Variants in FRMD4B observed in about 807,000 individuals in gnomAD.
The protein encoded by FRMD4B is FERM domain-containing protein 4B.
A neutral mutation model predicts 141.5 loss-of-function variants in FRMD4B; 74 were observed. That is an observed-to-expected ratio of 0.52 (90% CI 0.43 to 0.63). The LOEUF is 0.63. Ranked by LOEUF, FRMD4B falls within the 30% of genes least tolerant of loss-of-function variation. The probability of loss-of-function intolerance (pLI) is 0.00; values close to 1 mark genes in which losing one functional copy is unlikely to be tolerated. For synonymous variants in FRMD4B, 506 were observed against 467.9 expected (o/e 1.08, Z -1.05); for missense variants, 1,366 against 1,253.4 (o/e 1.09, Z -1.36).
chr3:69,484,824 G>C (rs539287731), intron 1 of FRMD4B, among the ~76,000 whole-genome samples: 1 of 152,126 alleles, frequency 6.6e-6, no homozygotes, highest in South Asian at 2.1e-4. Context: ...AGGCTTTTAT[G>C]GGCCTCAGAG....
chr3:69,435,340 T>C (rs1705243774), intron 1 of FRMD4B, among the ~76,000 whole-genome samples: 1 of 151,336 alleles, frequency 6.6e-6, no homozygotes, highest in Non-Finnish European at 1.5e-5. Context: ...AATCTAAGGG[T>C]TTACTATAGG....
intron 1 of FRMD4B, among the ~76,000 whole-genome samples, chr3:69,537,941 T>C (rs1287376819): frequency 2.0e-5 from 3 of 152,226 alleles, no homozygotes; most frequent in Non-Finnish European, 4.4e-5. Flanking sequence ...GTCTACATGG[T>C]CTGGGTAGGA....
At chr3:69,229,916 G>C (rs2093289866) in intron 7 of FRMD4B, among the ~76,000 whole-genome samples, 1 of 151,976 alleles carries the variant, frequency 6.6e-6, no homozygotes, top group Admixed American at 6.6e-5. Flanking sequence ...ATGTTGGCCA[G>C]GAAGGTCTCT....
chr3:69,169,375 T>TTTTTTTTTC lies in FRMD4B; in HGVS notation c.*2485_*2486insGAAAAAAAA, dbSNP rs1553691449. Among the ~76,000 whole-genome samples, 10 of 124,606 alleles carry TTTTTTTTTC rather than the reference T, an allele frequency of 8.0e-5. 4 individuals are homozygous for TTTTTTTTTC. The highest frequency in any genetic ancestry group is 1.0e-4 in the Non-Finnish European group (6 of 59,460). The allele number at this position is 124,606 out of a possible 152,430, so 81.7% of individuals were successfully genotyped here. On this transcript the variant is annotated 3_prime_UTR_variant, in exon 23 of 23. Coordinates refer to ENST00000398540, the MANE Select transcript of FRMD4B (RefSeq NM_015123.3). ...TTTCTTTTTTTTTTTTTTTTTTTTT[T>TTTTTTTTTC]CTTGAGACAAGGTCTGTTATTGCCT...
At chr3:69,422,979 T>TCCCA in intron 2 of FRMD4B, among the ~76,000 whole-genome samples, 1 of 152,014 alleles carries the variant, frequency 6.6e-6, no homozygotes, top group Non-Finnish European at 1.5e-5. Context: ...TGGGCATGAG[T>TCCCA]CCCATGTAAG....
At chr3:69,305,651 G>A (rs566692857) in intron 3 of FRMD4B, among the ~76,000 whole-genome samples, 42 of 152,308 alleles carry the variant, frequency 2.8e-4, no homozygotes, top group African/African-American at 8.9e-4. Context: ...CATTTCAGGA[G>A]GTTGAGGCAG....
Position 69,540,636 on chromosome 3 carries a change from A to AATATAT in FRMD4B, c.-129+1564_-129+1569dup, listed in dbSNP as rs1553652110. Among the ~76,000 whole-genome samples the AATATAT allele has an allele frequency of 1.7e-3, 119 of 69,518 alleles. 1 individual carries two copies. Among genetic ancestry groups the AATATAT allele is most frequent in the African/African-American group, 3.3e-3 (40 of 11,988 alleles). 45.6% of individuals were successfully genotyped at this position (69,518 alleles called of 152,430 possible). On this transcript the variant is annotated intron_variant, in intron 1 of 5. Coordinates refer to the FRMD4B transcript ENST00000459638. ...TCTAAAAAAAAAAAAAAAAAAAAAA[A>AATATAT]ATATATATATATATATATATATATA...
intron 5 of FRMD4B, among the ~76,000 whole-genome samples, chr3:69,253,534 A>T (rs747093001): frequency 9.9e-5 from 15 of 152,148 alleles, no homozygotes; most frequent in Non-Finnish European, 2.1e-4. Flanking sequence ...TCAGTACTTC[A>T]TGGAAACTTA....
At chr3:69,195,174 T>C (rs1318729856) in intron 15 of FRMD4B, 33 bp from the exon 16 acceptor site, 4 of 1,613,748 alleles carry the variant, frequency 2.5e-6, no homozygotes, top group Admixed American at 1.7e-5. Flanking sequence ...GAGCAGATAA[T>C]TGACACTGGC....
chr3:69,468,907 C>T (rs1009488881), intron 1 of FRMD4B, among the ~76,000 whole-genome samples: 5 of 152,188 alleles, frequency 3.3e-5, no homozygotes, highest in Non-Finnish European at 7.3e-5. Context: ...AAATAACCAA[C>T]TTTGCCATCA....
intron 5 of FRMD4B, among the ~76,000 whole-genome samples, chr3:69,270,557 T>G (rs1271546254): frequency 7.1e-6 from 1 of 140,232 alleles, no homozygotes; most frequent in Non-Finnish European, 1.6e-5. Context: ...CATTTTCTTT[T>G]TTTCTTTTTT....
Position 69,320,726 on chromosome 3 carries a change from G to A in FRMD4B, c.163-7209C>T, listed in dbSNP as rs1306249138. Among the ~76,000 whole-genome samples the A allele has an allele frequency of 4.6e-5, 7 of 152,182 alleles. No individual in the cohort carries two copies. The South Asian group carries it at 1.0e-3, about 22-fold the overall frequency. ...CCCTACCTAGTGGCAGCTAATAGCA[G>A]CAATGCTTCAGATGAAATAAAAAAC... On this transcript the variant is annotated intron_variant, in intron 1 of 22. Coordinates refer to ENST00000398540, the MANE Select transcript of FRMD4B (RefSeq NM_015123.3).
chr3:69,255,196 A>G (rs2093485408), intron 5 of FRMD4B, among the ~76,000 whole-genome samples: 1 of 152,200 alleles, frequency 6.6e-6, no homozygotes, highest in Admixed American at 6.6e-5. Context: ...TACAATGAAA[A>G]TATTTAGGGA....
At position 69,497,130 on chromosome 3, in the gene FRMD4B, C is replaced by T. The variant is rs974712737; in HGVS notation, c.-129+45076G>A. 2.0e-5 allele frequency among the ~76,000 whole-genome samples: 3 copies of T among 152,260 alleles called. No homozygotes were observed. The East Asian group carries it at 5.8e-4, about 29-fold the overall frequency. Reference sequence around the variant, plus strand: ...CTATCACAAGGTCCTGTCATACTTCCTTTTTTGTTTTCTGCCAAGTAGCTA... The same window carrying T: ...CTATCACAAGGTCCTGTCATACTTCTTTTTTTGTTTTCTGCCAAGTAGCTA... On this transcript the variant is annotated intron_variant, in intron 1 of 5. Coordinates refer to the FRMD4B transcript ENST00000459638.
chr3:69,482,011 T>C lies in FRMD4B; in HGVS notation c.-128-49250A>G, dbSNP rs879790663. 4.6e-5 allele frequency among the ~76,000 whole-genome samples: 7 copies of C among 152,316 alleles called. No individual in the cohort carries two copies. The South Asian group carries it at 8.3e-4, about 18-fold the overall frequency. The stretch of plus-strand genomic sequence containing the variant: ...TTTAATGCAAGTTCCTTCTTTAAAA[T>C]GATGCTAAAGCTGCAACTAATTGAA... On this transcript the variant is annotated intron_variant, in intron 1 of 5. Transcript: ENST00000459638.
chr3:69,504,397 C>T (rs1706560001), intron 1 of FRMD4B, among the ~76,000 whole-genome samples: 1 of 152,120 alleles, frequency 6.6e-6, no homozygotes, highest in South Asian at 2.1e-4. Context: ...CAGAGTTGTG[C>T]AACCATCACC....
At chr3:69,319,791 A>G (rs1228862233) in intron 1 of FRMD4B, among the ~76,000 whole-genome samples, 1 of 152,230 alleles carries the variant, frequency 6.6e-6, no homozygotes, top group African/African-American at 2.4e-5. Context: ...TTCAAAGCCC[A>G]AAGCACTTAA....
rs563363233 is a variant in FRMD4B at position 69,400,470 on chromosome 3, G to A, written c.-1+32164C>T. Among the ~76,000 whole-genome samples, 8 of 152,232 alleles carry A rather than the reference G, an allele frequency of 5.3e-5. No homozygotes were observed. The South Asian group carries it at 1.7e-3, about 32-fold the overall frequency. On this transcript the variant is annotated intron_variant, in intron 2 of 5. Transcript: ENST00000459638. ...ATAAGGCTTAGAAACTACTCCTTAG[G>A]TCTGGAAGCATTTTCCAAGGAAGAA...
At chr3:69,265,253 T>A (rs12496679) in intron 5 of FRMD4B, among the ~76,000 whole-genome samples, 3 of 25,472 alleles carry the variant, frequency 1.2e-4, no homozygotes, top group African/African-American at 2.7e-4. Flanking sequence ...AGACTCCATC[T>A]CAAAAAAAAA....
Sources: gnomAD v4.1 joint callset for allele counts (sites outside exome capture counted in the v4.1 genomes callset) on GRCh38, gnomAD v4.1.1 for gene constraint, MANE v1.5 for transcripts, NCBI Gene and HGNC (gene_info 2026-07-23, HGNC 2026-07-21) for gene names.